TFDP1: variants seen among roughly 807,000 people sequenced by gnomAD.
The protein encoded by TFDP1 is transcription factor Dp-1, also known as DRTF1-polypeptide 1.
Under a neutral mutation model 48.0 loss-of-function variants are expected in TFDP1, and 6 were observed. The ratio of observed to expected loss-of-function variants is 0.13; its 90% confidence interval spans 0.07 to 0.25. TFDP1 has a LOEUF of 0.25. TFDP1 is among the 10% of genes least tolerant of loss of function. The pLI, the probability that TFDP1 is intolerant of heterozygous loss-of-function variation, is 1.00. For synonymous variants in TFDP1, 201 were observed against 211.6 expected (o/e 0.95, Z 0.44); for missense variants, 335 against 543.0 (o/e 0.62, Z 3.81).
At chr13:113,634,397 C>G in intron 7 of TFDP1, 137 bp from the exon 8 acceptor site, 1 of 748,584 alleles carries the variant, frequency 1.3e-6, no homozygotes, top group African/African-American at 1.7e-5. Context: ...CCTGCTATGT[C>G]TAGATTTGTC....
At chr13:113,630,675 T>G (rs950243827) in intron 4 of TFDP1, among the ~76,000 whole-genome samples, 1 of 152,232 alleles carries the variant, frequency 6.6e-6, no homozygotes, top group African/African-American at 2.4e-5. Flanking sequence ...TGTTTCCAGT[T>G]TAGATAGAGT....
intron 5 of TFDP1, among the ~76,000 whole-genome samples, chr13:113,632,314 G>T (rs901156150): frequency 2.0e-5 from 3 of 152,346 alleles, no homozygotes; most frequent in Middle Eastern, 3.4e-3. Flanking sequence ...CCGCCATGTG[G>T]GGACTGACCA....
chr13:113,628,035 G>A (rs1451534124), intron 4 of TFDP1, among the ~76,000 whole-genome samples: 1 of 152,212 alleles, frequency 6.6e-6, no homozygotes, highest in Non-Finnish European at 1.5e-5. Context: ...TCTAACGACT[G>A]CTGGCGTGGA....
At chr13:113,594,505 G>A (rs377728715) in intron 2 of TFDP1, among the ~76,000 whole-genome samples, 13 of 149,220 alleles carry the variant, frequency 8.7e-5, no homozygotes, top group Non-Finnish European at 1.2e-4. Context: ...TGGTGTGCGC[G>A]GGTCCTCAGC....
chr13:113,588,318 G>A (rs139782904), intron 2 of TFDP1, among the ~76,000 whole-genome samples: 1 of 152,274 alleles, frequency 6.6e-6, no homozygotes, highest in African/African-American at 2.4e-5. Context: ...CAGGATGCAG[G>A]GAGCTGGAGC....
chr13:113,622,032 C>G (rs1188661581), intron 3 of TFDP1, among the ~76,000 whole-genome samples: 3 of 152,228 alleles, frequency 2.0e-5, no homozygotes, highest in Admixed American at 2.0e-4. Flanking sequence ...AGCTGTCTTT[C>G]TCTTTGCCTC....
In TFDP1 at chr13:113,640,242, T is replaced by G; in HGVS notation, c.1208T>G (p.Phe403Cys). 6.2e-7 allele frequency: 1 copy of G among 1,613,244 alleles called. No homozygotes were observed. The highest frequency in any genetic ancestry group is 1.7e-5 in the Admixed American group (1 of 59,844). The change falls in exon 12 of 12, where the codon TTC becomes TGC. Residue 403 changes from phenylalanine to cysteine, a missense_variant. By Grantham distance (205) the Phe-to-Cys change is radical. Around this residue, in one of 3 missense-constraint regions of TFDP1, gnomAD observed 204 missense variants for 287.1 expected, o/e 0.71. Coordinates refer to ENST00000375370, the MANE Select transcript of TFDP1 (RefSeq NM_007111.5). ...GAGGACGACGAGGAGGACGATGACT[T>G]CAACGAGAATGACGAGGACGACTGA... ...VGEDDEEDDD[F>C]NENDEDD
rs4150729 is a variant in TFDP1, at chr13:113,610,990, C to T, written c.13-6C>T. 0.05 allele frequency: 79,962 copies of T among 1,612,952 alleles called. 2,334 individuals carry two copies. Among genetic ancestry groups the T allele is most frequent in the Non-Finnish European group, 0.059 (69,789 of 1,179,230 alleles). On this transcript the variant is annotated splice_polypyrimidine_tract_variant and splice_region_variant and intron_variant, in intron 2 of 11. Transcript: ENST00000375370. ...ATATTTATTATTGTTTTGTTGCTTT[C>T]CGCAGGCCGGTCTAATTGAAGCCAA... is the stretch of plus-strand genomic sequence containing the variant.
In TFDP1 at chr13:113,640,408, TAAGC is replaced by T. The variant is rs958972732; in HGVS notation, c.*145_*148del. The T allele has an allele frequency of 7.3e-7, 1 of 1,374,644 alleles. No individual in the cohort carries two copies. The highest frequency in any genetic ancestry group is 9.7e-7 in the Non-Finnish European group (1 of 1,032,290). The allele number at this position is 1,374,644 out of a possible 1,614,324, so 85.2% of individuals were successfully genotyped here. ...ATTGAATTTAGATATGCACCTCTGA[TAAGC>T]AAGGATTGTTTCCCGTAGGATTAGG... On this transcript the variant is annotated 3_prime_UTR_variant, in exon 12 of 12. Transcript: ENST00000375370.
chr13:113,624,841 T>C lies in TFDP1; in HGVS notation c.186+1555T>C, dbSNP rs1410870040. 4.4e-3 allele frequency among the ~76,000 whole-genome samples: 469 copies of C among 106,594 alleles called. 1 individual carries two copies. The highest frequency in any genetic ancestry group is 0.012 in the African/African-American group (350 of 28,048). 69.9% of individuals were successfully genotyped at this position (106,594 alleles called of 152,430 possible). On this transcript the variant is annotated intron_variant, in intron 4 of 11. Coordinates refer to ENST00000375370, the MANE Select transcript of TFDP1 (RefSeq NM_007111.5). ...GTGTCTCTCACGTGTCCTCAGGTGT[T>C]TCTCAGGTGTCTCTCACGTGTCCTC...
intron 2 of TFDP1, among the ~76,000 whole-genome samples, chr13:113,593,978 T>G (rs1373536395): frequency 9.3e-5 from 11 of 118,742 alleles, no homozygotes; most frequent in South Asian, 5.9e-4. Flanking sequence ...CAGGTGACAG[T>G]TGTGCTGTGT....
chr13:113,586,631 C>T (rs184225659), intron 2 of TFDP1, among the ~76,000 whole-genome samples: 1 of 152,332 alleles, frequency 6.6e-6, no homozygotes, highest in Non-Finnish European at 1.5e-5. Flanking sequence ...AAAGAGTCCG[C>T]ACATGCTGCC....
chr13:113,600,154 G>A (rs1202576168), intron 2 of TFDP1, among the ~76,000 whole-genome samples: 1 of 150,352 alleles, frequency 6.7e-6, no homozygotes, highest in African/African-American at 2.5e-5. Context: ...AGAGCCGTGA[G>A]AGAGAACCCA....
At chr13:113,592,544 C>T (rs1016821570) in intron 2 of TFDP1, among the ~76,000 whole-genome samples, 1 of 152,222 alleles carries the variant, frequency 6.6e-6, no homozygotes. Flanking sequence ...CTTTGGGATA[C>T]AGTATCTTTT....
rs1401895183 is a variant in TFDP1, at chr13:113,617,611, T to C, written c.80-5569T>C. ...GCAGAGCCCTTCACCTGCAGAACCC[T>C]TCACCTGCAGAGCCGCTCACCTGCA... On this transcript the variant is annotated intron_variant, in intron 3 of 11. Transcript: ENST00000375370. Among the ~76,000 whole-genome samples, 6 of 109,802 alleles carry C rather than the reference T, an allele frequency of 5.5e-5. No individual in the cohort carries two copies. The South Asian group carries it at 8.8e-4, about 16-fold the overall frequency. 72.0% of individuals were successfully genotyped at this position (109,802 alleles called of 152,430 possible).
rs2049613498 is a variant in TFDP1, at chr13:113,640,356, C to T, written c.*89C>T. On this transcript the variant is annotated 3_prime_UTR_variant, in exon 12 of 12. Coordinates refer to ENST00000375370, the MANE Select transcript of TFDP1 (RefSeq NM_007111.5). Reference sequence around the variant, plus strand: ...TGTGGGTTTTCTGTTTCCTTTTGGCCTACTCCCAAGAAGATATTGGTAAGC... The same window carrying T: ...TGTGGGTTTTCTGTTTCCTTTTGGCTTACTCCCAAGAAGATATTGGTAAGC... The T allele has an allele frequency of 3.3e-6, 5 of 1,521,260 alleles. No individual in the cohort carries two copies. In the East Asian group the frequency reaches 7.4e-5, roughly 22 times the overall value. 94.2% of individuals were successfully genotyped at this position (1,521,260 alleles called of 1,614,324 possible).
At chr13:113,602,767 C>T (rs754418825) in intron 2 of TFDP1, among the ~76,000 whole-genome samples, 1 of 152,158 alleles carries the variant, frequency 6.6e-6, no homozygotes, top group African/African-American at 2.4e-5. Context: ...GCGTCCCTCT[C>T]TCCAGCCCTG....
intron 2 of TFDP1, among the ~76,000 whole-genome samples, chr13:113,608,073 G>A (rs1319825206): frequency 6.6e-6 from 1 of 152,148 alleles, no homozygotes; most frequent in Non-Finnish European, 1.5e-5. Flanking sequence ...CCCTGGGCGG[G>A]GCTCCTCTGT....
Position 113,633,131 on chromosome 13 carries a change from G to A in TFDP1, c.320G>A (p.Arg107Lys), listed in dbSNP as rs1157593515. The change falls in exon 6 of 12, where the codon AGG (arginine) becomes AAG (lysine). Residue 107 changes from arginine to lysine, a missense_variant. Transcript: ENST00000375370. This position sits in a 1 kb window ranked among gnomAD's most constrained non-coding sequence, Gnocchi z 4.5. The part of the protein sequence containing the change: ...SSPWSAGKRN[R>K]KGEKNGKGLR... ...TTTGTATTTTGAAGGAAGCGCAACAGGAAAGGAGAGAAGAATGGCAAGGGC... is the reference window on the plus strand; with the variant it reads ...TTTGTATTTTGAAGGAAGCGCAACAAGAAAGGAGAGAAGAATGGCAAGGGC... 1 of 1,613,100 alleles carries A rather than the reference G, an allele frequency of 6.2e-7. No individual in the cohort carries two copies. The highest frequency in any genetic ancestry group is 8.5e-7 in the Non-Finnish European group (1 of 1,179,646).
Sources: allele counts gnomAD v4.1 joint callset (sites outside exome capture counted in the v4.1 genomes callset), GRCh38; gene constraint gnomAD v4.1.1; regional missense constraint gnomAD v4.1.1; non-coding constraint Gnocchi (gnomAD v3.1); transcripts MANE v1.5; gene names NCBI Gene and HGNC (gene_info 2026-07-23, HGNC 2026-07-21).